The following TRIM14 variants were observed in gnomAD, a reference collection of about 807,000 sequenced individuals.
TRIM14 encodes the protein tripartite motif containing 14, also known as tripartite motif-containing protein 14.
TRIM14 carries 28 observed loss-of-function variants against 44.5 expected under a neutral mutation model. The observed-to-expected ratio is 0.63, with a 90% confidence interval of 0.47 to 0.86. The LOEUF (loss-of-function observed/expected upper bound fraction) is 0.86. Among genes scored for constraint, TRIM14 ranks in the 40% least tolerant of loss-of-function variants. The pLI is 0.00. For missense variants in TRIM14, 607 were observed against 611.1 expected (o/e 0.99, Z 0.07); for synonymous variants, 299 against 269.2 (o/e 1.11, Z -1.08).
intron 6 of TRIM14, among the ~76,000 whole-genome samples, chr9:98,070,499 C>T: frequency 6.6e-6 from 1 of 152,090 alleles, no homozygotes; most frequent in East Asian, 1.9e-4. Flanking sequence ...TGGCTCACTG[C>T]AACTTCTGCC....
chr9:98,055,072 T>C, the TRIM14 span, among the ~76,000 whole-genome samples: 8 of 152,110 alleles, frequency 5.3e-5, no homozygotes, highest in African/African-American at 1.9e-4. Context: ...CAGGCTGGAG[T>C]GCAATGGCAC....
chr9:98,083,012 T>G, downstream of TRIM14: 1 of 1,614,218 alleles, frequency 6.2e-7, no homozygotes. Flanking sequence ...GACACCATCA[T>G]GGAAGAATTG....
the TRIM14 span, among the ~76,000 whole-genome samples, chr9:98,052,896 A>G: frequency 1.5e-3 from 229 of 152,330 alleles, 1 homozygote; most frequent in Middle Eastern, 0.01. Flanking sequence ...AAATTAATAC[A>G]TTTTAACTAA....
In TRIM14 at chr9:98,087,159, C is replaced by G; in HGVS notation, c.*311G>C. The G allele has an allele frequency of 1.6e-6, 1 of 645,018 alleles. No individual in the cohort carries two copies. Among genetic ancestry groups the G allele is most frequent in the East Asian group, 3.0e-5 (1 of 32,998 alleles). The allele number at this position is 645,018 out of a possible 1,614,324, so 40.0% of individuals were successfully genotyped here. On this transcript the variant is annotated 3_prime_UTR_variant, in exon 6 of 6. Coordinates refer to ENST00000341469, the MANE Select transcript of TRIM14 (RefSeq NM_014788.4). ...GTTCCCAGGCTGCGGATGATGTATTCAGGATGCTGAGGGCTTACCTGTGGG... is the reference window on the plus strand; with the variant it reads ...GTTCCCAGGCTGCGGATGATGTATTGAGGATGCTGAGGGCTTACCTGTGGG...
At chr9:98,040,640 A>T in the TRIM14 span, among the ~76,000 whole-genome samples, 3 of 151,074 alleles carry the variant, frequency 2.0e-5, no homozygotes, top group African/African-American at 7.3e-5. Context: ...GCCTGGGGGC[A>T]GCTTCACCTG....
At chr9:98,066,499 A>G (rs1470394769), downstream of TRIM14, among the ~76,000 whole-genome samples, 1 of 152,188 alleles carries the variant, frequency 6.6e-6, no homozygotes, top group Non-Finnish European at 1.5e-5. Flanking sequence ...AATCGAGGGT[A>G]CAATTCAGTG....
At chr9:98,088,575 C>G (rs572458086) in intron 5 of TRIM14, among the ~76,000 whole-genome samples, 1 of 152,312 alleles carries the variant, frequency 6.6e-6, no homozygotes, top group Non-Finnish European at 1.5e-5. Context: ...GTTAGGTAAT[C>G]TGCTTTTTAA....
chr9:98,098,607 G>T (rs1156976266), intron 3 of TRIM14, among the ~76,000 whole-genome samples: 5 of 152,082 alleles, frequency 3.3e-5, no homozygotes, highest in Non-Finnish European at 5.9e-5. Flanking sequence ...AGCTACTCGG[G>T]AGGCTGAGGC....
chr9:98,040,249 C>T, the TRIM14 span, among the ~76,000 whole-genome samples: 1 of 152,174 alleles, frequency 6.6e-6, no homozygotes, highest in African/African-American at 2.4e-5. Flanking sequence ...TTTCCACCTG[C>T]TTTGACAACT....
downstream of TRIM14, among the ~76,000 whole-genome samples, chr9:98,067,315 T>C (rs1191282865): frequency 2.0e-5 from 3 of 152,202 alleles, no homozygotes; most frequent in Non-Finnish European, 4.4e-5. Flanking sequence ...ATGTTTAACT[T>C]TTTTGAGGAA....
rs887442954 is a variant in TRIM14, at chr9:98,085,411, A to G, written c.*2059T>C. 7.2e-5 allele frequency: 11 copies of G among 152,224 alleles called. No individual in the cohort carries two copies. Among genetic ancestry groups the G allele is most frequent in the African/African-American group, 2.2e-4 (9 of 41,438 alleles). The allele number at this position is 152,224 out of a possible 1,614,324, so 9.4% of individuals were successfully genotyped here. A position where few individuals can be genotyped will look rare whatever the true frequency, so the allele number is the denominator to read the frequency against. On this transcript the variant is annotated 3_prime_UTR_variant, in exon 6 of 6. Coordinates refer to ENST00000341469, the MANE Select transcript of TRIM14 (RefSeq NM_014788.4). Reference sequence around the variant, plus strand: ...GAATTGGGAAAACTTTCTACCCTCTAGGGCTGATGAAAGGATCAGATGAGT... The same window carrying G: ...GAATTGGGAAAACTTTCTACCCTCTGGGGCTGATGAAAGGATCAGATGAGT...
At chr9:98,083,677 A>G (rs1161254107), downstream of TRIM14, among the ~76,000 whole-genome samples, 5 of 152,272 alleles carry the variant, frequency 3.3e-5, no homozygotes, top group Non-Finnish European at 4.4e-5. Context: ...GCCATGAACA[A>G]GCCCCAATCC....
the TRIM14 span, among the ~76,000 whole-genome samples, chr9:98,053,830 T>C: frequency 6.6e-6 from 1 of 151,874 alleles, no homozygotes; most frequent in Non-Finnish European, 1.5e-5. Flanking sequence ...AATAAATAAA[T>C]AAATATCATC....
At chr9:98,106,731 T>C (rs1436089638) in intron 2 of TRIM14, among the ~76,000 whole-genome samples, 1 of 152,080 alleles carries the variant, frequency 6.6e-6, no homozygotes, top group Admixed American at 6.6e-5. Context: ...ATTGGAAGAA[T>C]ACATAGTAAA....
At chr9:98,091,161 A>G (rs1233189418) in intron 5 of TRIM14, among the ~76,000 whole-genome samples, 1 of 152,220 alleles carries the variant, frequency 6.6e-6, no homozygotes, top group African/African-American at 2.4e-5. Flanking sequence ...ATTCAATTCA[A>G]CAAATGTGTA....
exon 7 of TRIM14, chr9:98,069,583 A>T (rs1829251502): frequency 6.6e-6 from 1 of 152,346 alleles, no homozygotes; most frequent in Non-Finnish European, 1.5e-5. Flanking sequence ...GGAATGAACT[A>T]TTGATGCGTG....
chr9:98,056,814 G>A, the TRIM14 span: 1 of 1,611,116 alleles, frequency 6.2e-7, no homozygotes, highest in Non-Finnish European at 8.5e-7. Context: ...CTGCAATGCC[G>A]CTGGAGCTGG....
chr9:98,088,869 T>C (rs142986223), intron 5 of TRIM14, among the ~76,000 whole-genome samples: 22 of 152,322 alleles, frequency 1.4e-4, no homozygotes, highest in African/African-American at 5.3e-4. Flanking sequence ...AAACTCTCAT[T>C]AACATTTCTC....
chr9:98,063,959 T>C, the TRIM14 span, among the ~76,000 whole-genome samples: 1 of 152,260 alleles, frequency 6.6e-6, no homozygotes, highest in Non-Finnish European at 1.5e-5. Context: ...AACATTTTTA[T>C]GGGTCTTGAA....
Sources: allele counts gnomAD v4.1 joint callset (sites outside exome capture counted in the v4.1 genomes callset), GRCh38; gene constraint gnomAD v4.1.1; transcripts MANE v1.5; gene names NCBI Gene and HGNC (gene_info 2026-07-23, HGNC 2026-07-21).